Variants in BTBD9 observed in about 807,000 individuals in gnomAD.
BTBD9 encodes the protein BTB/POZ domain-containing protein 9.
In BTBD9, 49 loss-of-function variants were observed where a neutral mutation model predicts 64.3. The ratio of observed to expected loss-of-function variants is 0.76; its 90% CI spans 0.61 to 0.97. The LOEUF is 0.97. Ranked by LOEUF, BTBD9 falls within the 50% of genes least tolerant of loss-of-function variation. BTBD9 has a pLI of 0.00. For synonymous variants in BTBD9, 260 were observed against 274.7 expected, an observed-to-expected ratio of 0.95 and a Z score of 0.53; for missense variants, 598 against 762.1, an observed-to-expected ratio of 0.78 and a Z score of 2.53.
intron 6 of BTBD9, among the ~76,000 whole-genome samples, chr6:38,540,053 G>C (rs1774197748): frequency 6.6e-6 from 1 of 152,116 alleles, no homozygotes; most frequent in African/African-American, 2.4e-5. Flanking sequence ...AAATGAATGG[G>C]ACATGACAAT....
intron 7 of BTBD9, among the ~76,000 whole-genome samples, chr6:38,335,574 T>TA (rs1365894323): frequency 6.6e-6 from 1 of 151,246 alleles, no homozygotes; most frequent in Non-Finnish European, 1.5e-5. Context: ...CTTTTTTTTT[T>TA]AGTTTTTTTG....
chr6:38,517,865 G>A (rs1471458640), intron 6 of BTBD9, among the ~76,000 whole-genome samples: 1 of 152,016 alleles, frequency 6.6e-6, no homozygotes, highest in Non-Finnish European at 1.5e-5. Flanking sequence ...TTATAGACTT[G>A]GACCTGCAAC....
chr6:38,631,089 G>T (rs1778344546), intron 1 of BTBD9, among the ~76,000 whole-genome samples: 1 of 152,288 alleles, frequency 6.6e-6, no homozygotes, highest in East Asian at 1.9e-4. Context: ...TAAATGTATA[G>T]AATAGAATAG....
At chr6:38,472,326 T>G (rs1770686549) in intron 6 of BTBD9, among the ~76,000 whole-genome samples, 1 of 152,194 alleles carries the variant, frequency 6.6e-6, no homozygotes, top group Admixed American at 6.5e-5. Context: ...ACTTCTACTG[T>G]AAATTACTGG....
At chr6:38,545,128 G>C (rs1268595793) in intron 6 of BTBD9, among the ~76,000 whole-genome samples, 4 of 151,810 alleles carry the variant, frequency 2.6e-5, no homozygotes, top group Non-Finnish European at 4.4e-5. Context: ...GTCTTGCACT[G>C]TCTCCCAGGC....
At chr6:38,578,691 T>A (rs1776157961) in intron 5 of BTBD9, among the ~76,000 whole-genome samples, 1 of 152,198 alleles carries the variant, frequency 6.6e-6, no homozygotes, top group African/African-American at 2.4e-5. Flanking sequence ...ACAGAGGATA[T>A]AATTTTACAA....
At chr6:38,300,785 T>C (rs1340266981) in intron 7 of BTBD9, among the ~76,000 whole-genome samples, 3 of 152,168 alleles carry the variant, frequency 2.0e-5, no homozygotes, top group Non-Finnish European at 4.4e-5. Context: ...TTTCTAGATA[T>C]ACAATCATGT....
intron 3 of BTBD9, 53 bp downstream of exon 3, chr6:38,593,911 G>C (rs1208268760): frequency 3.5e-6 from 5 of 1,426,550 alleles, no homozygotes; most frequent in Non-Finnish European, 2.9e-6. Context: ...CTACAGTATA[G>C]GTATAAATAA....
chr6:38,307,187 TTC>T (rs1762657392), intron 7 of BTBD9, among the ~76,000 whole-genome samples: 1 of 152,182 alleles, frequency 6.6e-6, no homozygotes, highest in Non-Finnish European at 1.5e-5. Flanking sequence ...TAATCCAACC[TTC>T]TGTCAAATTA....
At chr6:38,395,017 C>T (rs1192003096) in intron 6 of BTBD9, among the ~76,000 whole-genome samples, 8 of 151,940 alleles carry the variant, frequency 5.3e-5, no homozygotes, top group Admixed American at 3.9e-4. Flanking sequence ...TATTTCCCAC[C>T]CCCAAAGTTC....
chr6:38,492,932 A>G (rs903187042), intron 6 of BTBD9, among the ~76,000 whole-genome samples: 1 of 152,232 alleles, frequency 6.6e-6, no homozygotes, highest in African/African-American at 2.4e-5. Flanking sequence ...TTAAACCTAG[A>G]CAATTCTAAT....
chr6:38,629,815 T>A (rs1778301009), intron 1 of BTBD9, among the ~76,000 whole-genome samples: 1 of 151,150 alleles, frequency 6.6e-6, no homozygotes, highest in South Asian at 2.1e-4. Flanking sequence ...AGAATGAAAC[T>A]CCATCTCAAA....
chr6:38,312,035 AT>A (rs1762857580), intron 7 of BTBD9, among the ~76,000 whole-genome samples: 1 of 151,626 alleles, frequency 6.6e-6, no homozygotes, highest in South Asian at 2.1e-4. Flanking sequence ...CTAATTTTTT[AT>A]TTTTAGTAGA....
In BTBD9 at chr6:38,177,369, G is replaced by T. The variant is rs1351819785; in HGVS notation, c.1642-2187C>A. Among the ~76,000 whole-genome samples the T allele has an allele frequency of 3.3e-5, 5 of 152,126 alleles. No homozygotes were observed. The South Asian group carries it at 1.0e-3, about 32-fold the overall frequency. ...CCCACCGGCCCCGCAAGCCTTCAGGGTGCCTCCCGCTCCGTGGCCCACCCC... is the reference window on the plus strand; with the variant it reads ...CCCACCGGCCCCGCAAGCCTTCAGGTTGCCTCCCGCTCCGTGGCCCACCCC... On this transcript the variant is annotated intron_variant, in intron 10 of 10. Transcript: ENST00000481247.
chr6:38,485,998 C>G (rs60936387), intron 6 of BTBD9, among the ~76,000 whole-genome samples: 74,356 of 152,042 alleles, frequency 0.49, 19,335 homozygotes, highest in Non-Finnish European at 0.59. Context: ...AGCTTCTACA[C>G]AAGCAGCTGC....
chr6:38,462,111 C>G (rs889515280), intron 6 of BTBD9, among the ~76,000 whole-genome samples: 1 of 152,122 alleles, frequency 6.6e-6, no homozygotes, highest in Non-Finnish European at 1.5e-5. Context: ...TGTAACTTAT[C>G]TTTTCATATT....
At chr6:38,405,573 C>T (rs1394553917) in intron 6 of BTBD9, among the ~76,000 whole-genome samples, 1 of 151,734 alleles carries the variant, frequency 6.6e-6, no homozygotes, top group Non-Finnish European at 1.5e-5. Context: ...TGCAAAAACA[C>T]ATATTAATCA....
chr6:38,505,946 A>G (rs1405931450), intron 6 of BTBD9, among the ~76,000 whole-genome samples: 1 of 115,212 alleles, frequency 8.7e-6, no homozygotes, highest in East Asian at 2.8e-4. Context: ...GCCTGGCAAC[A>G]GCATGGCTCC....
intron 7 of BTBD9, among the ~76,000 whole-genome samples, chr6:38,300,533 A>C (rs1762348209): frequency 6.6e-6 from 1 of 151,782 alleles, no homozygotes; most frequent in Non-Finnish European, 1.5e-5. Context: ...CTTTTATTTC[A>C]TTGAGCAGTG....
Sources: gnomAD v4.1 joint callset for allele counts (sites outside exome capture counted in the v4.1 genomes callset) on GRCh38, gnomAD v4.1.1 for gene constraint, MANE v1.5 for transcripts, NCBI Gene and HGNC (gene_info 2026-07-23, HGNC 2026-07-21) for gene names.